The following SAMMSON variants were observed in gnomAD, a reference collection of about 807,000 sequenced individuals.
SAMMSON encodes the protein survival associated mitochondrial melanoma specific oncogenic non-coding RNA.
chr3:70,043,924 A>T (rs1276835607), intron 3 of SAMMSON, among the ~76,000 whole-genome samples: 1 of 152,060 alleles, frequency 6.6e-6, no homozygotes, highest in Non-Finnish European at 1.5e-5. Context: ...AAAAAATCTA[A>T]CAAAAGTTAA....
intron 7 of SAMMSON, among the ~76,000 whole-genome samples, chr3:70,353,748 T>C (rs1702810809): frequency 6.6e-6 from 1 of 152,168 alleles, no homozygotes. Context: ...AAACTTATGT[T>C]CACACAAAAA....
intron 4 of SAMMSON, among the ~76,000 whole-genome samples, chr3:70,234,955 T>G (rs1408248512): frequency 1.3e-5 from 2 of 152,168 alleles, no homozygotes; most frequent in Non-Finnish European, 2.9e-5. Context: ...TGGTCTGGAG[T>G]GCAGTCTGGG....
At chr3:70,056,208 C>CAT (rs2067166904) in intron 3 of SAMMSON, among the ~76,000 whole-genome samples, 1 of 152,000 alleles carries the variant, frequency 6.6e-6, no homozygotes, top group South Asian at 2.1e-4. Flanking sequence ...ATTTGATAGC[C>CAT]ATCACCATGT....
At chr3:70,244,545 A>G (rs2106644417) in intron 4 of SAMMSON, among the ~76,000 whole-genome samples, 1 of 152,350 alleles carries the variant, frequency 6.6e-6, no homozygotes, top group Middle Eastern at 3.4e-3. Flanking sequence ...TATTTGATCA[A>G]TATATGGGAT....
chr3:70,038,420 C>T (rs1025512651), intron 3 of SAMMSON, among the ~76,000 whole-genome samples: 1 of 152,064 alleles, frequency 6.6e-6, no homozygotes, highest in African/African-American at 2.4e-5. Context: ...TAATCTGAAG[C>T]CCTCACCAGA....
At chr3:70,103,287 A>G (rs1445247829) in intron 4 of SAMMSON, among the ~76,000 whole-genome samples, 1 of 152,196 alleles carries the variant, frequency 6.6e-6, no homozygotes, top group Non-Finnish European at 1.5e-5. Context: ...AAAATATGCC[A>G]GATTGCAATC....
At chr3:70,370,228 G>T (rs1406698804) in intron 9 of SAMMSON, among the ~76,000 whole-genome samples, 2 of 151,918 alleles carry the variant, frequency 1.3e-5, no homozygotes, top group East Asian at 1.9e-4. Context: ...GGACATTTAG[G>T]CTGATTCCAT....
At chr3:70,286,461 G>A (rs1229115602) in intron 6 of SAMMSON, among the ~76,000 whole-genome samples, 1 of 151,714 alleles carries the variant, frequency 6.6e-6, no homozygotes. Flanking sequence ...GGTTACTGTA[G>A]CCTTGTAGTA....
chr3:70,293,886 T>G (rs1241097093), intron 7 of SAMMSON, among the ~76,000 whole-genome samples: 2 of 152,008 alleles, frequency 1.3e-5, no homozygotes, highest in Non-Finnish European at 2.9e-5. Flanking sequence ...TATTTTTGTG[T>G]TACATGTTGA....
At chr3:70,320,173 G>C (rs1356102160) in intron 7 of SAMMSON, among the ~76,000 whole-genome samples, 1 of 151,966 alleles carries the variant, frequency 6.6e-6, no homozygotes, top group African/African-American at 2.4e-5. Flanking sequence ...TGCCATTAGT[G>C]GATACTACAG....
In SAMMSON at chr3:70,300,438, A is replaced by C. The variant is rs759731619; in HGVS notation, n.739+9195A>C. 8.5e-5 allele frequency among the ~76,000 whole-genome samples: 13 copies of C among 152,188 alleles called. No homozygotes were observed. In the Middle Eastern group the frequency reaches 0.017, roughly 199 times the overall value. On this transcript the variant is annotated intron_variant and non_coding_transcript_variant, in intron 7 of 9. Coordinates refer to ENST00000642114, the Ensembl canonical transcript of SAMMSON. ...TCTTACAAATTGAAGATATCCAATAAAAATATAGTTAGAAGGGCATAGAGA... is the reference window on the plus strand; with the variant it reads ...TCTTACAAATTGAAGATATCCAATACAAATATAGTTAGAAGGGCATAGAGA...
At chr3:70,292,493 C>T (rs1243281700) in intron 7 of SAMMSON, among the ~76,000 whole-genome samples, 2 of 151,986 alleles carry the variant, frequency 1.3e-5, no homozygotes, top group East Asian at 3.9e-4. Flanking sequence ...AAAGATGAAG[C>T]TTGAATTCAA....
rs530576991 is a variant in SAMMSON, at chr3:70,375,405, T to G, written n.914-14169T>G. 1.1e-3 allele frequency among the ~76,000 whole-genome samples: 159 copies of G among 148,782 alleles called. 1 individual carries two copies. The highest frequency in any genetic ancestry group is 7.0e-3 in the Middle Eastern group (2 of 284). On this transcript the variant is annotated intron_variant and non_coding_transcript_variant, in intron 9 of 9. Coordinates refer to ENST00000642114, the Ensembl canonical transcript of SAMMSON. ...ATCTGTTGAACAGTTTTTTGTTGTT[T>G]TTTTTTTTTTTGCCACAAGTGTTGG...
intron 4 of SAMMSON, chr3:70,126,509 G>A (rs1264509879): frequency 1.6e-6 from 1 of 622,136 alleles, no homozygotes; most frequent in Non-Finnish European, 3.0e-6. Context: ...CAGCTCAGCT[G>A]GCAGGTGCCT....
intron 7 of SAMMSON, among the ~76,000 whole-genome samples, chr3:70,335,511 T>C (rs929457892): frequency 6.6e-6 from 1 of 152,040 alleles, no homozygotes; most frequent in Non-Finnish European, 1.5e-5. Flanking sequence ...CACACAATTA[T>C]AATTGAACAC....
At chr3:70,040,962 A>G (rs1433368245) in intron 3 of SAMMSON, among the ~76,000 whole-genome samples, 1 of 152,138 alleles carries the variant, frequency 6.6e-6, no homozygotes, top group African/African-American at 2.4e-5. Flanking sequence ...AAGGCTGCTG[A>G]ATGGTAACTG....
chr3:70,210,194 T>G (rs2106727569), intron 4 of SAMMSON, among the ~76,000 whole-genome samples: 1 of 152,270 alleles, frequency 6.6e-6, no homozygotes, highest in East Asian at 1.9e-4. Context: ...GTGACAATTT[T>G]AAGTATAGCA....
chr3:70,127,445 C>T (rs1009330098), intron 4 of SAMMSON, among the ~76,000 whole-genome samples: 1 of 152,142 alleles, frequency 6.6e-6, no homozygotes, highest in Non-Finnish European at 1.5e-5. Context: ...TTTTCATTCT[C>T]CACACCTAAA....
chr3:70,162,763 C>G (rs2067621211), intron 4 of SAMMSON, among the ~76,000 whole-genome samples: 1 of 151,688 alleles, frequency 6.6e-6, no homozygotes, highest in Non-Finnish European at 1.5e-5. Flanking sequence ...TTTGAATTGT[C>G]TCTTTCTCCT....
Sources: allele counts gnomAD v4.1 joint callset (sites outside exome capture counted in the v4.1 genomes callset), GRCh38; gene constraint gnomAD v4.1.1; transcripts MANE v1.5; gene names NCBI Gene and HGNC (gene_info 2026-07-23, HGNC 2026-07-21).